The following STMN3 variants were observed in gnomAD, a reference collection of about 807,000 sequenced individuals.
STMN3 encodes stathmin-3.
Under a neutral mutation model 23.2 loss-of-function variants are expected in STMN3, and 24 were observed. That is an observed-to-expected ratio of 1.03 (90% CI 0.75 to 1.45). STMN3 has a LOEUF of 1.45. Among genes scored for constraint, STMN3 ranks in the 40% most tolerant of loss-of-function variants. STMN3 has a pLI of 0.00. For missense variants in STMN3, 235 were observed against 237.6 expected (o/e 0.99, Z 0.07); for synonymous variants, 117 against 103.4 (o/e 1.13, Z -0.80).
chr20:63,641,783 C>A (rs73920910), intron 4 of STMN3, among the ~76,000 whole-genome samples: 5,539 of 151,126 alleles, frequency 0.037, 349 homozygotes, highest in African/African-American at 0.13. Context: ...CCGACCCCCA[C>A]CCCAGCTCAG....
At position 63,640,645 on chromosome 20, in the gene STMN3, A is replaced by G. The variant is rs2089751997; in HGVS notation, c.*693T>C. 6.3e-6 allele frequency: 1 copy of G among 158,464 alleles called. No individual in the cohort carries two copies. Among genetic ancestry groups the G allele is most frequent in the African/African-American group, 2.5e-5 (1 of 39,492 alleles). 9.8% of individuals were successfully genotyped at this position (158,464 alleles called of 1,614,324 possible). On this transcript the variant is annotated 3_prime_UTR_variant, in exon 5 of 5. Transcript: ENST00000370053. ...CCATGCTGCCCACAACCTCTAGACC[A>G]TGCAGCCTGCTCATGGGTCCCTGGC...
Position 63,643,885 on chromosome 20 carries a change from G to A in STMN3, c.162C>T (p.Phe54=), listed in dbSNP as rs781000224. 4 of 1,596,898 alleles carry A rather than the reference G, an allele frequency of 2.5e-6. No homozygotes were observed. Among genetic ancestry groups the A allele is most frequent in the Admixed American group, 3.7e-5 (2 of 53,762 alleles). ...QLDKRASGQS[F]EVILKSPSDL... ...CAGAAGGGGACTTGAGGATGACCTC[G>A]AAGCTCTGGCCTGAGGCCCGCTTGT... is the stretch of plus-strand genomic sequence containing the variant. The change falls in exon 3 of 5, where the codon TTC becomes TTT. Residue 54 remains phenylalanine (F), a synonymous_variant. Transcript: ENST00000370053.
At chr20:63,649,683 A>G (rs2089842536) in intron 1 of STMN3, among the ~76,000 whole-genome samples, 2 of 152,000 alleles carry the variant, frequency 1.3e-5, no homozygotes, top group South Asian at 4.1e-4. Flanking sequence ...GGCGCCCGCC[A>G]CCACGCCCAG....
rs1309706810 is a variant in STMN3, at chr20:63,641,468, G to C, written c.484-71C>G. 3 of 1,321,896 alleles carry C rather than the reference G, an allele frequency of 2.3e-6. No individual in the cohort carries two copies. The South Asian group carries it at 3.8e-5, about 17-fold the overall frequency. The allele number at this position is 1,321,896 out of a possible 1,614,324, so 81.9% of individuals were successfully genotyped here. The stretch of plus-strand genomic sequence containing the variant: ...GGCGACTCCGGGAACCCCCAGGCGC[G>C]CAGGCCGTGGCGCCCTGGCACCCGC... On this transcript the variant is annotated intron_variant, in intron 4 of 4. Transcript: ENST00000370053.
At chr20:63,651,151 G>A (rs1342454747) in intron 1 of STMN3, among the ~76,000 whole-genome samples, 1 of 151,838 alleles carries the variant, frequency 6.6e-6, no homozygotes, top group Admixed American at 6.6e-5. Context: ...CAGAGAGGGG[G>A]GATTTCACCA....
chr20:63,643,765 C>T lies in STMN3; in HGVS notation c.282G>A (p.Glu94=). 1 of 1,546,678 alleles carries T rather than the reference C, an allele frequency of 6.5e-7. No homozygotes were observed. Among genetic ancestry groups the T allele is most frequent in the Non-Finnish European group, 8.6e-7 (1 of 1,156,114 alleles). Residue 94 remains glutamate (E), a synonymous_variant, in exon 3 of 5, where the codon GAG becomes GAA. Transcript: ENST00000370053. ...ATGGAGGACTCCTTGCCTTCCTCCG[C>T]TCCTCGGCTGCCTCCAGCCGCTTTT... ...ELQKRLEAAE[E]RRKTQEAQVL... is the part of the protein sequence containing the mutation.
In STMN3 at chr20:63,652,749, C is replaced by T; in HGVS notation, c.19+578G>A. 1.0e-6 allele frequency: 1 copy of T among 985,944 alleles called. No homozygotes were observed. The highest frequency in any genetic ancestry group is 4.7e-5 in the South Asian group (1 of 21,296). The allele number at this position is 985,944 out of a possible 1,614,324, so 61.1% of individuals were successfully genotyped here. Reference sequence around the variant, plus strand: ...GCGCGGGCGTCGCAAAGGGTGGTCCCCGAGGCCGCAGCGGTGTGGGGGGAG... The same window carrying T: ...GCGCGGGCGTCGCAAAGGGTGGTCCTCGAGGCCGCAGCGGTGTGGGGGGAG... On this transcript the variant is annotated intron_variant, in intron 1 of 4. Transcript: ENST00000370053. The surrounding 1 kb of genome is among the most constrained non-coding windows in gnomAD (Gnocchi z 5.3).
chr20:63,642,433 C>G, intron 3 of STMN3, 134 bp from the exon 4 acceptor site: 2 of 375,286 alleles, frequency 5.3e-6, no homozygotes, highest in Non-Finnish European at 9.2e-6. Flanking sequence ...CCTCGGTGGG[C>G]GCCGGGACCC....
intron 1 of STMN3, 96 bp from the exon 2 acceptor site, chr20:63,644,405 T>A: frequency 1.1e-6 from 1 of 918,776 alleles, no homozygotes; most frequent in Non-Finnish European, 1.7e-6. Flanking sequence ...CATGTCTCTG[T>A]GAGACACGGA....
Position 63,641,291 on chromosome 20 carries a change from A to G in STMN3, c.*47T>C. 1 of 1,540,540 alleles carries G rather than the reference A, an allele frequency of 6.5e-7. No individual in the cohort carries two copies. The highest frequency in any genetic ancestry group is 1.2e-5 in the South Asian group (1 of 83,934). On this transcript the variant is annotated 3_prime_UTR_variant, in exon 5 of 5. Transcript: ENST00000370053. ...CAGAGGTGAACGAAACAAAACCAAA[A>G]CCCGAACGTGTTCTGTCGCAGGATG... is the stretch of plus-strand genomic sequence containing the variant.
intron 1 of STMN3, among the ~76,000 whole-genome samples, chr20:63,647,803 AT>A (rs1485579887): frequency 1.6e-5 from 2 of 128,372 alleles, no homozygotes; most frequent in Non-Finnish European, 3.4e-5. Context: ...ATATACGTAT[AT>A]ATACACGTGT....
rs955205691 is a variant in STMN3, at chr20:63,646,168, G to A, written c.20-1859C>T. On this transcript the variant is annotated intron_variant, in intron 1 of 4. Transcript: ENST00000370053. ...ACAGAGCAGCACAGAGCCCAAGAGG[G>A]TGTAAGGAGGAGCAGAAAGGAATCC... 2.0e-5 allele frequency among the ~76,000 whole-genome samples: 3 copies of A among 152,042 alleles called. No individual in the cohort carries two copies. In the South Asian group the frequency reaches 6.2e-4, roughly 31 times the overall value.
At position 63,652,251 on chromosome 20, in the gene STMN3, T is replaced by TCAGCTC. The variant is rs1386746303; in HGVS notation, c.19+1070_19+1075dup. 4 of 151,978 alleles carry TCAGCTC rather than the reference T, an allele frequency of 2.6e-5. No individual in the cohort carries two copies. The highest frequency in any genetic ancestry group is 5.9e-5 in the Non-Finnish European group (4 of 67,980). The allele number at this position is 151,978 out of a possible 1,614,324, so 9.4% of individuals were successfully genotyped here. A position where few individuals can be genotyped will look rare whatever the true frequency, so the allele number is the denominator to read the frequency against. On this transcript the variant is annotated intron_variant, in intron 1 of 4. Coordinates refer to ENST00000370053, the MANE Select transcript of STMN3 (RefSeq NM_015894.4). This position sits in a 1 kb window ranked among gnomAD's most constrained non-coding sequence, Gnocchi z 5.3. ...GGCCAAGGCGCCCGAGTTGAACCAG[T>TCAGCTC]CAGCTCGGGAGAGGGACCGCGGCGA...
chr20:63,643,846 C>A lies in STMN3; in HGVS notation c.201G>T (p.Glu67Asp). The change falls in exon 3 of 5, where the codon GAG becomes GAT. Residue 67 changes from glutamate (E) to aspartate (D), a missense_variant. Glu to Asp is a conservative substitution (Grantham distance 45). Transcript: ENST00000370053. ...ILKSPSDLSP[E>D]SPMLSSPPKK... ...TGGGTGGGGAGGAGAGCATAGGGCT[C>A]TCTGGGGACAGGTCAGAAGGGGACT... 6.3e-7 allele frequency: 1 copy of A among 1,578,588 alleles called. No individual in the cohort carries two copies. The highest frequency in any genetic ancestry group is 8.5e-7 in the Non-Finnish European group (1 of 1,170,694).
chr20:63,646,306 G>A (rs2089808395), intron 1 of STMN3, among the ~76,000 whole-genome samples: 1 of 152,010 alleles, frequency 6.6e-6, no homozygotes, highest in Non-Finnish European at 1.5e-5. Context: ...GAGATGGAGG[G>A]GGACCAGGTG....
chr20:63,643,368 A>G lies in STMN3; in HGVS notation c.291+388T>C, dbSNP rs1490527324. ...GCAGTCTCGGCTCACTGCATCCTCC[A>G]CTTCTTGGGTTCAAGCAATTCCCCT... is the stretch of plus-strand genomic sequence containing the variant. On this transcript the variant is annotated intron_variant, in intron 3 of 4. Coordinates refer to ENST00000370053, the MANE Select transcript of STMN3 (RefSeq NM_015894.4). Among the ~76,000 whole-genome samples the G allele has an allele frequency of 2.0e-5, 3 of 152,016 alleles. No individual in the cohort carries two copies. In the East Asian group the frequency reaches 5.8e-4, roughly 29 times the overall value.
At chr20:63,647,640 A>G (rs1474331061) in intron 1 of STMN3, among the ~76,000 whole-genome samples, 3 of 140,186 alleles carry the variant, frequency 2.1e-5, no homozygotes, top group Admixed American at 7.4e-5. Context: ...ACAAACATAT[A>G]TATATATACA....
intron 1 of STMN3, among the ~76,000 whole-genome samples, chr20:63,648,173 G>C (rs959016986): frequency 6.6e-6 from 1 of 151,502 alleles, no homozygotes; most frequent in Non-Finnish European, 1.5e-5. Flanking sequence ...GAGTTAGAGG[G>C]TGTGCCAGCC....
chr20:63,641,499 C>G, intron 4 of STMN3, 102 bp from the exon 5 acceptor site: 1 of 930,496 alleles, frequency 1.1e-6, no homozygotes. Context: ...CCCGCCCGGC[C>G]TCATCCGGGC....
Sources: allele counts gnomAD v4.1 joint callset (sites outside exome capture counted in the v4.1 genomes callset), GRCh38; gene constraint gnomAD v4.1.1; non-coding constraint Gnocchi (gnomAD v3.1); transcripts MANE v1.5; gene names NCBI Gene and HGNC (gene_info 2026-07-23, HGNC 2026-07-21).